The following COBL variants were observed in gnomAD, a reference collection of about 807,000 sequenced individuals.
COBL encodes the protein protein cordon-bleu.
COBL carries 51 observed loss-of-function variants against 98.8 expected under a neutral mutation model. The ratio of observed to expected loss-of-function variants is 0.52; its 90% confidence interval spans 0.41 to 0.65. COBL has a LOEUF of 0.65. Ranked by LOEUF, COBL falls within the 30% of genes least tolerant of loss-of-function variation. The pLI, the probability that COBL is intolerant of heterozygous loss-of-function variation, is 0.00. For missense variants in COBL, 1,617 were observed against 1,617.5 expected (o/e 1.00, Z 0.01); for synonymous variants, 634 against 651.7 (o/e 0.97, Z 0.41).
intron 1 of COBL, among the ~76,000 whole-genome samples, chr7:51,266,469 T>C (rs2129156529): frequency 6.6e-6 from 1 of 152,228 alleles, no homozygotes; most frequent in South Asian, 2.1e-4. Context: ...TCCCAGCTAT[T>C]CAAGAGGCTG....
intron 1 of COBL, among the ~76,000 whole-genome samples, chr7:51,265,205 T>C (rs751613026): frequency 6.6e-6 from 1 of 152,218 alleles, no homozygotes; most frequent in Non-Finnish European, 1.5e-5. Context: ...TGTTTCAGCC[T>C]CACTGCTGCT....
intron 6 of COBL, among the ~76,000 whole-genome samples, chr7:51,114,627 G>A (rs1797117558): frequency 6.6e-6 from 1 of 152,136 alleles, no homozygotes; most frequent in Non-Finnish European, 1.5e-5. Flanking sequence ...AGTTTGTCCT[G>A]ACCTCAGGCC....
chr7:51,022,798 G>A (rs1787071989), intron 12 of COBL: 1 of 152,194 alleles, frequency 6.6e-6, no homozygotes, highest in African/African-American at 2.4e-5. Flanking sequence ...ACAGAGTGTG[G>A]TCATGGCCTT....
chr7:51,280,420 G>T (rs1411215075), intron 1 of COBL, among the ~76,000 whole-genome samples: 2 of 152,176 alleles, frequency 1.3e-5, no homozygotes, highest in East Asian at 3.9e-4. Flanking sequence ...ACAGGGACTC[G>T]CAAAGCTTCA....
intron 7 of COBL, among the ~76,000 whole-genome samples, chr7:51,083,926 G>A (rs539308580): frequency 2.0e-5 from 3 of 152,286 alleles, no homozygotes; most frequent in South Asian, 4.1e-4. Flanking sequence ...TACAGTGGAT[G>A]CCACTTAAAA....
chr7:51,202,465 T>C (rs1446235804), intron 2 of COBL, among the ~76,000 whole-genome samples: 1 of 152,202 alleles, frequency 6.6e-6, no homozygotes, highest in Non-Finnish European at 1.5e-5. Context: ...TAGATGTGTA[T>C]GCATAGGAAA....
At chr7:51,157,704 A>G (rs1460801585) in intron 5 of COBL, among the ~76,000 whole-genome samples, 2 of 152,180 alleles carry the variant, frequency 1.3e-5, no homozygotes, top group East Asian at 3.8e-4. Context: ...AAAATAAATA[A>G]TCACTTCAGG....
chr7:51,024,298 G>T (rs1588243629), intron 12 of COBL, among the ~76,000 whole-genome samples: 1 of 152,066 alleles, frequency 6.6e-6, no homozygotes, highest in South Asian at 2.1e-4. Flanking sequence ...GACAGAGTGA[G>T]ACTCCGTCTC....
rs1413763006 is a variant in COBL, at chr7:51,028,287, G to C, written c.2809C>G (p.Pro937Ala). 1 of 1,614,232 alleles carries C rather than the reference G, an allele frequency of 6.2e-7. No homozygotes were observed. Among genetic ancestry groups the C allele is most frequent in the Non-Finnish European group, 8.5e-7 (1 of 1,180,026 alleles). The stretch of plus-strand genomic sequence containing the variant: ...GCCAAATCTTCCCCGTGGTTGTTGG[G>C]AGGAGTGACACAGGGCCACTGGGCA... ...DGAQWPCVTP[P>A]NNHGEDLAVG... The change falls in exon 10 of 13, where the codon CCC becomes GCC. Residue 937 changes from proline to alanine, a missense_variant. Around this residue, in one of 3 missense-constraint regions of COBL, gnomAD observed 1,304 missense variants for 1,282.0 expected, o/e 1.02. Coordinates refer to ENST00000265136, the MANE Select transcript of COBL (RefSeq NM_015198.5).
intron 7 of COBL, among the ~76,000 whole-genome samples, chr7:51,061,090 A>T (rs1390500224): frequency 1.3e-5 from 2 of 152,208 alleles, no homozygotes; most frequent in Non-Finnish European, 2.9e-5. Flanking sequence ...AACCACAACC[A>T]GCTGAGGTGC....
At position 51,083,148 on chromosome 7, in the gene COBL, G is replaced by A. The variant is rs1208182569; in HGVS notation, c.1096+2018C>T. ...ACGTCTGTGTCGGGAGGAGGGTAGG[G>A]CGGGGGTGGGGGAAGCACTAACTGG... On this transcript the variant is annotated intron_variant, in intron 7 of 12. Coordinates refer to ENST00000265136, the MANE Select transcript of COBL (RefSeq NM_015198.5). 6.6e-6 allele frequency: 10 copies of A among 1,509,532 alleles called. No individual in the cohort carries two copies. In the Admixed American group the frequency reaches 1.9e-4, roughly 29 times the overall value. The allele number at this position is 1,509,532 out of a possible 1,614,324, so 93.5% of individuals were successfully genotyped here. A position where few individuals can be genotyped will look rare whatever the true frequency, so the allele number is the denominator to read the frequency against.
intron 6 of COBL, among the ~76,000 whole-genome samples, chr7:51,129,377 C>G (rs1018476836): frequency 6.6e-6 from 1 of 151,826 alleles, no homozygotes; most frequent in African/African-American, 2.4e-5. Context: ...TCATGAGGTT[C>G]AACCCTCATG....
intron 6 of COBL, among the ~76,000 whole-genome samples, chr7:51,103,438 TTAC>T (rs1795987811): frequency 2.0e-5 from 3 of 152,318 alleles, no homozygotes; most frequent in Admixed American, 2.0e-4. Flanking sequence ...TTTCTAAATT[TTAC>T]TTTTTCAGAA....
intron 1 of COBL, among the ~76,000 whole-genome samples, chr7:51,235,495 G>A (rs1185426966): frequency 6.6e-6 from 1 of 152,178 alleles, no homozygotes; most frequent in Non-Finnish European, 1.5e-5. Context: ...AAACTGTGGT[G>A]GGAGTTTTTG....
intron 1 of COBL, among the ~76,000 whole-genome samples, chr7:51,247,365 T>C (rs937366596): frequency 6.6e-6 from 1 of 152,236 alleles, no homozygotes; most frequent in Admixed American, 6.5e-5. Flanking sequence ...TCAGAACCAG[T>C]CTTTTGGACA....
At position 51,028,611 on chromosome 7, in the gene COBL, G is replaced by T. The variant is rs754621952; in HGVS notation, c.2485C>A (p.Leu829Ile). The T allele has an allele frequency of 1.2e-6, 2 of 1,613,802 alleles. No homozygotes were observed. Among genetic ancestry groups the T allele is most frequent in the African/African-American group, 2.7e-5 (2 of 74,918 alleles). The change falls in exon 10 of 13, where the codon CTA becomes ATA. Residue 829 changes from leucine (L) to isoleucine (I), a missense_variant. Leu to Ile is a conservative substitution (Grantham distance 5). This residue lies in a region of COBL where 1,304 missense variants were observed against 1,282.0 expected (regional missense o/e 1.02). Coordinates refer to ENST00000265136, the MANE Select transcript of COBL (RefSeq NM_015198.5). ...GGGGGCTGGTTTCTCCCCTCCCCTA[G>T]GGGGTTCCGGCCCTCATGGTGGGCA... ...KSAHHEGRNP[L>I]GEGRNQPPTM...
In COBL at chr7:51,028,739, C is replaced by T; in HGVS notation, c.2357G>A (p.Ser786Asn). 1 of 1,614,148 alleles carries T rather than the reference C, an allele frequency of 6.2e-7. No individual in the cohort carries two copies. Among genetic ancestry groups the T allele is most frequent in the Non-Finnish European group, 8.5e-7 (1 of 1,180,014 alleles). The stretch of plus-strand genomic sequence containing the variant: ...GGTGGAGGGGGGTCCCCTGGCAGAG[C>T]TCTCTGAGGGTCGGCCCAGGTGTTT... ...VEKHLGRPSE[S>N]SARGPPSTPV... is the part of the protein sequence containing the mutation. Residue 786 changes from serine (S) to asparagine (N), a missense_variant, in exon 10 of 13, where the codon AGC becomes AAC. Physicochemically the swap from Ser to Asn is conservative, Grantham distance 46. This residue lies in a region of COBL where 1,304 missense variants were observed against 1,282.0 expected (regional missense o/e 1.02). Coordinates refer to ENST00000265136, the MANE Select transcript of COBL (RefSeq NM_015198.5).
At position 51,018,896 on chromosome 7, in the gene COBL, AAAAAAAAAAATATATATATATATATAT is replaced by A. The variant is rs1193005220; in HGVS notation, c.3769-1355_3769-1329del. ...ACAAGAGAGAAACTCCATCTCAAAA[AAAAAAAAAAATATATATATATATATAT>A]ATATATATATATATATATATATATA... On this transcript the variant is annotated intron_variant, in intron 12 of 12. Transcript: ENST00000265136. Among the ~76,000 whole-genome samples the A allele has an allele frequency of 4.7e-4, 24 of 51,160 alleles. 2 individuals are homozygous for A. The highest frequency in any genetic ancestry group is 1.9e-3 in the African/African-American group (24 of 12,398). 33.6% of individuals were successfully genotyped at this position (51,160 alleles called of 152,430 possible).
At chr7:51,046,882 C>T (rs546323140) in intron 7 of COBL, among the ~76,000 whole-genome samples, 4 of 152,184 alleles carry the variant, frequency 2.6e-5, no homozygotes, top group Non-Finnish European at 5.9e-5. Context: ...CCCCTTTCCC[C>T]TTTCTGTAAA....
Sources: gnomAD v4.1 joint callset for allele counts (sites outside exome capture counted in the v4.1 genomes callset) on GRCh38, gnomAD v4.1.1 for gene constraint, gnomAD v4.1.1 regional missense constraint, MANE v1.5 for transcripts, NCBI Gene and HGNC (gene_info 2026-07-23, HGNC 2026-07-21) for gene names.